FAM222B: variants seen among roughly 807,000 people sequenced by gnomAD.
FAM222B encodes the protein family with sequence similarity 222 member B.
FAM222B carries 12 observed loss-of-function variants against 38.0 expected under a neutral mutation model. The ratio of observed to expected loss-of-function variants is 0.32; its 90% CI spans 0.20 to 0.51. The LOEUF is 0.51. Ranked by LOEUF, FAM222B falls within the 20% of genes least tolerant of loss-of-function variation. FAM222B has a pLI of 0.97. For synonymous variants in FAM222B, 329 were observed against 317.2 expected, an observed-to-expected ratio of 1.04 and a Z score of -0.40; for missense variants, 716 against 754.2, an observed-to-expected ratio of 0.95 and a Z score of 0.59.
chr17:28,853,294 G>A (rs1567916541), intron 1 of FAM222B, among the ~76,000 whole-genome samples: 2 of 152,036 alleles, frequency 1.3e-5, no homozygotes, highest in East Asian at 3.8e-4. Flanking sequence ...AGACTGGGAG[G>A]TCGAGGCTGT....
chr17:28,828,927 C>G (rs963996759), intron 1 of FAM222B, among the ~76,000 whole-genome samples: 11 of 151,564 alleles, frequency 7.3e-5, no homozygotes, highest in African/African-American at 2.4e-4. Context: ...TTAATTGAGA[C>G]GGAGTCTCGC....
chr17:28,814,153 CTGAG>C (rs2037924570), intron 1 of FAM222B, among the ~76,000 whole-genome samples: 2 of 150,342 alleles, frequency 1.3e-5, no homozygotes, highest in South Asian at 4.2e-4. Flanking sequence ...GCACTCCAGC[CTGAG>C]TGAGAGTAAG....
intron 1 of FAM222B, among the ~76,000 whole-genome samples, chr17:28,811,913 A>T (rs532268105): frequency 4.6e-5 from 7 of 152,134 alleles, no homozygotes; most frequent in African/African-American, 1.2e-4. Context: ...TCTTTTTTTT[A>T]AATTACGGTT....
intron 1 of FAM222B, among the ~76,000 whole-genome samples, chr17:28,821,541 G>C (rs2038219102): frequency 6.6e-6 from 1 of 152,194 alleles, no homozygotes; most frequent in South Asian, 2.1e-4. Flanking sequence ...ACAAGGTCAA[G>C]TCAGTCTGCT....
Position 28,764,300 on chromosome 17 carries a change from G to A in FAM222B, c.82+2286C>T, listed in dbSNP as rs534475969. Among the ~76,000 whole-genome samples the A allele has an allele frequency of 9.4e-5, 14 of 148,848 alleles. No individual in the cohort carries two copies. In the South Asian group the frequency reaches 1.1e-3, roughly 11 times the overall value. Reference sequence around the variant, plus strand: ...AAAAAAAAAAAAAAAAAAAAGGGCCGGGCATGGTGGCTCATGCCTGTAATC... The same window carrying A: ...AAAAAAAAAAAAAAAAAAAAGGGCCAGGCATGGTGGCTCATGCCTGTAATC... On this transcript the variant is annotated intron_variant, in intron 2 of 2. Transcript: ENST00000581407.
At chr17:28,831,003 T>G (rs1435196193) in intron 1 of FAM222B, among the ~76,000 whole-genome samples, 1 of 146,172 alleles carries the variant, frequency 6.8e-6, no homozygotes, top group East Asian at 2.0e-4. Context: ...TTTTTTTTTT[T>G]TTTTTTTTTT....
chr17:28,848,094 T>C (rs1401246919), intron 1 of FAM222B, among the ~76,000 whole-genome samples: 2 of 152,092 alleles, frequency 1.3e-5, no homozygotes, highest in Admixed American at 6.6e-5. Flanking sequence ...AAGTACTCAA[T>C]AGATTTTTGT....
chr17:28,849,738 C>G (rs1024595849), intron 1 of FAM222B: 1 of 152,034 alleles, frequency 6.6e-6, no homozygotes, highest in Non-Finnish European at 1.5e-5. Context: ...AGCTACCACT[C>G]TCTCCTCTTT....
chr17:28,786,559 C>T (rs1438489204), intron 1 of FAM222B, among the ~76,000 whole-genome samples: 1 of 152,202 alleles, frequency 6.6e-6, no homozygotes, highest in African/African-American at 2.4e-5. Flanking sequence ...TTTAAGCCTA[C>T]TCTCAACTCA....
chr17:28,766,382 G>C (rs1225200138), intron 2 of FAM222B, among the ~76,000 whole-genome samples: 6 of 152,020 alleles, frequency 3.9e-5, no homozygotes, highest in Non-Finnish European at 7.3e-5. Flanking sequence ...TAACCCGGGA[G>C]GGAGAGGTTG....
At chr17:28,836,409 T>C (rs1443884466) in intron 1 of FAM222B, among the ~76,000 whole-genome samples, 2 of 151,934 alleles carry the variant, frequency 1.3e-5, no homozygotes, top group Non-Finnish European at 2.9e-5. Context: ...TGGGAGGCCA[T>C]GAGGCGGGCT....
intron 1 of FAM222B, among the ~76,000 whole-genome samples, chr17:28,813,338 C>T (rs1428036149): frequency 6.6e-6 from 1 of 152,040 alleles, no homozygotes; most frequent in African/African-American, 2.4e-5. Flanking sequence ...GGGGAACATA[C>T]TCTCAGCAAC....
At chr17:28,842,211 C>A (rs1268788972) in intron 1 of FAM222B, among the ~76,000 whole-genome samples, 1 of 152,098 alleles carries the variant, frequency 6.6e-6, no homozygotes, top group Non-Finnish European at 1.5e-5. Context: ...TGACTCTAAG[C>A]CCCTAGCTCT....
At chr17:28,777,885 T>C (rs1314151488) in intron 1 of FAM222B, among the ~76,000 whole-genome samples, 2 of 151,934 alleles carry the variant, frequency 1.3e-5, no homozygotes, top group Non-Finnish European at 2.9e-5. Context: ...ACTTCCTGGG[T>C]TCAGGTGATC....
At chr17:28,782,818 C>T (rs929064758) in intron 1 of FAM222B, among the ~76,000 whole-genome samples, 1 of 151,616 alleles carries the variant, frequency 6.6e-6, no homozygotes, top group African/African-American at 2.4e-5. Flanking sequence ...CTCTGTGCAA[C>T]TATCAAAACC....
intron 1 of FAM222B, among the ~76,000 whole-genome samples, chr17:28,839,661 T>C (rs2038966309): frequency 6.6e-6 from 1 of 152,158 alleles, no homozygotes; most frequent in Non-Finnish European, 1.5e-5. Context: ...CATGTAGTAG[T>C]CAAACATGGA....
chr17:28,820,967 T>A (rs560970296), intron 1 of FAM222B, among the ~76,000 whole-genome samples: 13 of 150,808 alleles, frequency 8.6e-5, no homozygotes, highest in East Asian at 7.8e-4. Context: ...TTTTATTTTT[T>A]TTTTTTTGAG....
intron 1 of FAM222B, among the ~76,000 whole-genome samples, chr17:28,828,095 A>ATTTTTTTTTT (rs528492764): frequency 1.3e-5 from 1 of 74,634 alleles, no homozygotes; most frequent in Non-Finnish European, 2.4e-5. Context: ...ATCAAATCCA[A>ATTTTTTTTTT]TTTTTTTTTT....
intron 1 of FAM222B, among the ~76,000 whole-genome samples, chr17:28,812,687 C>G (rs2151929359): frequency 6.6e-6 from 1 of 152,130 alleles, no homozygotes; most frequent in Non-Finnish European, 1.5e-5. Context: ...TACCCCAAAG[C>G]CAGGAGCCAA....
Sources: gnomAD v4.1 joint callset for allele counts (sites outside exome capture counted in the v4.1 genomes callset) on GRCh38, gnomAD v4.1.1 for gene constraint, MANE v1.5 for transcripts, NCBI Gene and HGNC (gene_info 2026-07-23, HGNC 2026-07-21) for gene names.